TAF12: variants seen among roughly 807,000 people sequenced by gnomAD.
The protein encoded by TAF12 is TATA-box binding protein associated factor 12.
Under a neutral mutation model 20.8 loss-of-function variants are expected in TAF12, and 3 were observed. The observed-to-expected ratio is 0.14, with a 90% CI of 0.07 to 0.37. TAF12 has a LOEUF of 0.37. Among genes scored for constraint, TAF12 ranks in the 10% least tolerant of loss-of-function variants. The probability of loss-of-function intolerance (pLI) is 1.00; values close to 1 mark genes in which losing one functional copy is unlikely to be tolerated. For synonymous variants in TAF12, 69 were observed against 70.2 expected, an observed-to-expected ratio of 0.98 and a Z score of 0.09; for missense variants, 131 against 197.9, an observed-to-expected ratio of 0.66 and a Z score of 2.03.
intron 1 of TAF12, among the ~76,000 whole-genome samples, chr1:28,636,561 G>A (rs192011619): frequency 1.6e-4 from 24 of 151,856 alleles, no homozygotes; most frequent in African/African-American, 4.8e-4. Flanking sequence ...CAGGCTGAGC[G>A]GGAGGATCAC....
intron 1 of TAF12, among the ~76,000 whole-genome samples, chr1:28,631,443 G>A (rs965971747): frequency 4.6e-5 from 7 of 151,484 alleles, no homozygotes; most frequent in African/African-American, 7.3e-5. Flanking sequence ...GAGAATCACC[G>A]AAACCTGGGA....
At chr1:28,622,314 G>A (rs1667245462) in intron 1 of TAF12, 149 bp from the exon 2 acceptor site, 1 of 434,170 alleles carries the variant, frequency 2.3e-6, no homozygotes, top group African/African-American at 2.3e-5. Flanking sequence ...GAGCCCAGTA[G>A]TTCAAGACCA....
At chr1:28,644,791 A>G (rs926916449), upstream of TAF12, among the ~76,000 whole-genome samples, 2 of 152,220 alleles carry the variant, frequency 1.3e-5, no homozygotes, top group African/African-American at 4.8e-5. Context: ...GAGTTTGGAG[A>G]GGTAGGCAGG....
chr1:28,619,259 C>T (rs1043888814), intron 2 of TAF12, among the ~76,000 whole-genome samples: 3 of 150,866 alleles, frequency 2.0e-5, no homozygotes, highest in African/African-American at 7.3e-5. Flanking sequence ...TTTGGGAGAC[C>T]GAGGTGAGCG....
chr1:28,608,318 G>A (rs948450068), intron 4 of TAF12, among the ~76,000 whole-genome samples: 2 of 150,704 alleles, frequency 1.3e-5, no homozygotes, highest in Non-Finnish European at 3.0e-5. Flanking sequence ...GCACTCCAGC[G>A]TGGGCGATAG....
chr1:28,611,561 C>T, intron 4 of TAF12, among the ~76,000 whole-genome samples: 1 of 148,862 alleles, frequency 6.7e-6, no homozygotes, highest in East Asian at 2.0e-4. Flanking sequence ...GACAGAGACA[C>T]AGAGGGAAAA....
chr1:28,639,558 T>C (rs1421161854), intron 1 of TAF12, among the ~76,000 whole-genome samples: 2 of 151,924 alleles, frequency 1.3e-5, no homozygotes, highest in East Asian at 1.9e-4. Flanking sequence ...ACAAATGAAA[T>C]GAAGTACATT....
intron 1 of TAF12, among the ~76,000 whole-genome samples, chr1:28,629,735 G>A (rs537541487): frequency 2.0e-5 from 3 of 152,074 alleles, no homozygotes; most frequent in South Asian, 2.1e-4. Context: ...CAAAATCCTA[G>A]GCTCAAGCAA....
upstream of TAF12, chr1:28,643,147 C>G (rs1668097033): frequency 1.0e-6 from 1 of 983,252 alleles, no homozygotes. Flanking sequence ...CCGGCGGGCG[C>G]GCGCCTCGCT....
chr1:28,642,207 T>A (rs959745525), intron 1 of TAF12, among the ~76,000 whole-genome samples: 1 of 152,162 alleles, frequency 6.6e-6, no homozygotes, highest in Non-Finnish European at 1.5e-5. Context: ...AGATTGAGTA[T>A]CTGACACAAG....
intron 1 of TAF12, among the ~76,000 whole-genome samples, chr1:28,635,187 G>A (rs1382128704): frequency 2.7e-5 from 4 of 147,328 alleles, no homozygotes; most frequent in South Asian, 2.2e-4. Context: ...CCGAGATCGC[G>A]CCACTGCACT....
chr1:28,640,458 CTG>C (rs1025913572), intron 1 of TAF12, among the ~76,000 whole-genome samples: 1 of 152,134 alleles, frequency 6.6e-6, no homozygotes, highest in Non-Finnish European at 1.5e-5. Flanking sequence ...GCACATGTAA[CTG>C]GGGTTGGGTC....
At chr1:28,626,599 A>G (rs1197780480) in intron 1 of TAF12, among the ~76,000 whole-genome samples, 1 of 150,586 alleles carries the variant, frequency 6.6e-6, no homozygotes, top group African/African-American at 2.4e-5. Context: ...AAAAAAAAAA[A>G]GCAAATAAAT....
chr1:28,619,897 C>T, intron 2 of TAF12, among the ~76,000 whole-genome samples: 1 of 148,852 alleles, frequency 6.7e-6, no homozygotes, highest in Non-Finnish European at 1.5e-5. Flanking sequence ...TGCAGTGAGC[C>T]AAGATTATGC....
chr1:28,618,101 AAGAAAGGCTGTCAAATTGTTGG>A, intron 2 of TAF12, 71 bp from the exon 3 acceptor site: 1 of 1,429,972 alleles, frequency 7.0e-7, no homozygotes, highest in Non-Finnish European at 9.7e-7. Flanking sequence ...CCCTGTAATG[AAGAAAGGCTGTCAAATTGTTGG>A]TTTTAGTTTC....
At chr1:28,623,235 C>T (rs959122683) in intron 1 of TAF12, among the ~76,000 whole-genome samples, 18 of 151,552 alleles carry the variant, frequency 1.2e-4, no homozygotes, top group African/African-American at 4.1e-4. Context: ...TAAAAATAAA[C>T]TAGAGGCTGG....
chr1:28,639,934 G>A (rs951327832), intron 1 of TAF12, among the ~76,000 whole-genome samples: 1 of 151,720 alleles, frequency 6.6e-6, no homozygotes, highest in African/African-American at 2.4e-5. Context: ...TCCACCTCCA[G>A]GATTCAAGTG....
chr1:28,641,818 C>T (rs1335092676), intron 1 of TAF12, among the ~76,000 whole-genome samples: 1 of 140,034 alleles, frequency 7.1e-6, no homozygotes, highest in South Asian at 2.2e-4. Context: ...AAAAAAAATT[C>T]CCTCCTGAGT....
chr1:28,633,314 G>A (rs1017662849), intron 1 of TAF12, among the ~76,000 whole-genome samples: 8 of 150,512 alleles, frequency 5.3e-5, no homozygotes, highest in East Asian at 2.0e-4. Context: ...TTACAGGCAC[G>A]TGCCACCATG....
Sources: allele counts gnomAD v4.1 joint callset (sites outside exome capture counted in the v4.1 genomes callset), GRCh38; gene constraint gnomAD v4.1.1; transcripts MANE v1.5; gene names NCBI Gene and HGNC (gene_info 2026-07-23, HGNC 2026-07-21).